Variants in NLRP9 observed in about 807,000 individuals in gnomAD.
NLRP9 encodes NLR family pyrin domain containing 9.
NLRP9 carries 88 observed loss-of-function variants against 83.1 expected under a neutral mutation model. That is an observed-to-expected ratio of 1.06 (90% CI 0.89 to 1.26). NLRP9 has a LOEUF of 1.26. Ranked by LOEUF, NLRP9 falls within the 50% of genes most tolerant of loss-of-function variation. The pLI, the probability that NLRP9 is intolerant of heterozygous loss-of-function variation, is 0.00. For missense variants in NLRP9, 1,308 were observed against 1,179.3 expected (o/e 1.11, Z -1.60); for synonymous variants, 521 against 447.6 (o/e 1.16, Z -2.07).
intron 8 of NLRP9, among the ~76,000 whole-genome samples, chr19:55,710,083 G>A (rs923638434): frequency 1.3e-5 from 2 of 152,166 alleles, no homozygotes; most frequent in Non-Finnish European, 2.9e-5. Flanking sequence ...CAGAGGTAGG[G>A]AAGATGGCTA....
At chr19:55,717,545 A>G (rs1362771325) in intron 4 of NLRP9, among the ~76,000 whole-genome samples, 6 of 152,224 alleles carry the variant, frequency 3.9e-5, no homozygotes, top group Non-Finnish European at 7.3e-5. Flanking sequence ...TTTAGTGAAC[A>G]GGACAGACCC....
chr19:55,729,552 A>G (rs1355221479), intron 3 of NLRP9, among the ~76,000 whole-genome samples: 1 of 152,042 alleles, frequency 6.6e-6, no homozygotes, highest in Non-Finnish European at 1.5e-5. Context: ...ATGTTCCTAC[A>G]AAGGACATGA....
intron 6 of NLRP9, among the ~76,000 whole-genome samples, chr19:55,714,275 A>G (rs755110486): frequency 2.6e-5 from 4 of 151,454 alleles, no homozygotes; most frequent in South Asian, 2.1e-4. Flanking sequence ...TCGATTCTTT[A>G]AGGAGGAGGC....
In NLRP9 at chr19:55,709,027, A is replaced by C. The variant is rs754577949; in HGVS notation, c.2861T>G (p.Phe954Cys). ...LQMLGLHKSG[F>C]DEETQKILMS... The stretch of plus-strand genomic sequence containing the variant: ...CAGGATCTTCTGAGTTTCTTCATCA[A>C]AGCCAGATTTGTGCAGCCTGGGAAA... The change falls in exon 9 of 9, where the codon TTT becomes TGT. Residue 954 changes from phenylalanine (F) to cysteine (C), a missense_variant. Phe to Cys is a radical substitution (Grantham distance 205). Transcript: ENST00000332836. 1.3e-6 allele frequency: 2 copies of C among 1,576,466 alleles called. No homozygotes were observed. The highest frequency in any genetic ancestry group is 1.4e-5 in the African/African-American group (1 of 72,306).
chr19:55,725,835 T>C (rs1988383840), intron 3 of NLRP9, among the ~76,000 whole-genome samples: 1 of 152,028 alleles, frequency 6.6e-6, no homozygotes, highest in Non-Finnish European at 1.5e-5. Context: ...AAGACCACCC[T>C]GGGCAACATG....
At chr19:55,710,605 T>A (rs540598308) in intron 8 of NLRP9, among the ~76,000 whole-genome samples, 1 of 152,254 alleles carries the variant, frequency 6.6e-6, no homozygotes, top group East Asian at 1.9e-4. Context: ...GAGATCTGGT[T>A]GTTTAAAAGT....
At chr19:55,723,387 G>C (rs1988291251) in intron 4 of NLRP9, among the ~76,000 whole-genome samples, 1 of 152,088 alleles carries the variant, frequency 6.6e-6, no homozygotes, top group South Asian at 2.1e-4. Context: ...GTTTTGGCCT[G>C]GTTGCCTGAG....
Position 55,732,048 on chromosome 19 carries a change from G to T in NLRP9, c.1783C>A (p.Arg595Ser), listed in dbSNP as rs143466064. 6.2e-7 allele frequency: 1 copy of T among 1,600,748 alleles called. No homozygotes were observed. Among genetic ancestry groups the T allele is most frequent in the Non-Finnish European group, 8.5e-7 (1 of 1,175,262 alleles). The change falls in exon 2 of 9, where the codon CGC becomes AGC. Residue 595 changes from arginine (R) to serine (S), a missense_variant. Physicochemically the swap from Arg to Ser is moderately radical, Grantham distance 110. Transcript: ENST00000332836. The part of the protein sequence containing the change: ...LKHCQHLTTL[R>S]MCVENIFPDD... ...GGAAAGATATTCTCCACACACATGC[G>T]AAGTGTCGTTAAATGTTGACAATGC... is the stretch of plus-strand genomic sequence containing the variant.
At chr19:55,719,037 C>G (rs150716915) in intron 4 of NLRP9, among the ~76,000 whole-genome samples, 1 of 152,306 alleles carries the variant, frequency 6.6e-6, no homozygotes, top group Middle Eastern at 3.4e-3. Context: ...AGATCCCACA[C>G]GGTAGGAGCT....
chr19:55,709,883 C>G (rs970932699), intron 8 of NLRP9: 3 of 152,132 alleles, frequency 2.0e-5, no homozygotes, highest in Non-Finnish European at 4.4e-5. Flanking sequence ...GAACATAGGC[C>G]TTCCTGAAAG....
At chr19:55,737,140 G>C (rs1988805400) in intron 1 of NLRP9, 1 of 151,806 alleles carries the variant, frequency 6.6e-6, no homozygotes, top group Admixed American at 6.6e-5. Context: ...AATGAGTCCA[G>C]CAGAACTGGT....
intron 1 of NLRP9, among the ~76,000 whole-genome samples, chr19:55,734,363 C>CAAAAAAAAAAAAA (rs59545375): frequency 2.6e-5 from 2 of 76,694 alleles, no homozygotes; most frequent in Non-Finnish European, 4.7e-5. Context: ...CACTCTATCT[C>CAAAAAAAAAAAAA]AAAAAAAAAA....
intron 4 of NLRP9, among the ~76,000 whole-genome samples, chr19:55,717,745 C>T (rs1474690746): frequency 1.3e-5 from 2 of 152,210 alleles, no homozygotes; most frequent in African/African-American, 4.8e-5. Flanking sequence ...TAACCCAATC[C>T]TGACACTTCC....
In NLRP9 at chr19:55,738,364, G is replaced by T. The variant is rs1988842670; in HGVS notation, c.11C>A (p.Ser4Tyr). The T allele has an allele frequency of 6.8e-6, 11 of 1,612,838 alleles. No individual in the cohort carries two copies. The highest frequency in any genetic ancestry group is 9.3e-6 in the Non-Finnish European group (11 of 1,179,684). The change falls in exon 1 of 9, where the codon TCT becomes TAT. Residue 4 changes from serine to tyrosine, a missense_variant. Coordinates refer to ENST00000332836, the MANE Select transcript of NLRP9 (RefSeq NM_176820.4). ...CAACAAGCCAAAATCCGAAAAAAAA[G>T]ATTCTGCCATATCGCCCCAGGATTG... MAE[S>Y]FFSDFGLLWY...
At chr19:55,734,391 AAAATTACT>A (rs1723233935) in intron 1 of NLRP9, among the ~76,000 whole-genome samples, 1 of 135,846 alleles carries the variant, frequency 7.4e-6, no homozygotes, top group Non-Finnish European at 1.6e-5. Context: ...AAAAAAAAAA[AAAATTACT>A]ATATCAATTG....
At position 55,716,738 on chromosome 19, in the gene NLRP9, C is replaced by T. The variant is rs138496520; in HGVS notation, c.2320G>A (p.Glu774Lys). Residue 774 changes from glutamate to lysine, a missense_variant, in exon 5 of 9, where the codon GAG becomes AAG. Physicochemically the swap from Glu to Lys is moderately conservative, Grantham distance 56. Transcript: ENST00000332836. ...EALKHSHCAL[E>K]RLMLMYCCLT... is the part of the protein sequence containing the mutation. ...CGCAGACCAACTTACATCAGCCTCT[C>T]CAGGGCACAGTGTGAGTGCTTCAGG... The T allele has an allele frequency of 3.3e-4, 540 of 1,613,758 alleles. 2 individuals carry two copies. In the East Asian group the frequency reaches 9.4e-3, roughly 28 times the overall value.
Position 55,732,094 on chromosome 19 carries a change from T to G in NLRP9, c.1737A>C (p.Val579=). 1 of 1,611,614 alleles carries G rather than the reference T, an allele frequency of 6.2e-7. No homozygotes were observed. The highest frequency in any genetic ancestry group is 8.5e-7 in the Non-Finnish European group (1 of 1,179,154). ...AATGCTTCAGGCAGAATGAAGCTAT[T>G]ACCAAATGTTCTATGTTACCAATAT... ...FIYIGNIEHL[V]IASFCLKHCQ... is the part of the protein sequence containing the mutation. The change falls in exon 2 of 9, where the codon GTA becomes GTC. Residue 579 remains valine, a synonymous_variant. Coordinates refer to ENST00000332836, the MANE Select transcript of NLRP9 (RefSeq NM_176820.4).
At position 55,732,837 on chromosome 19, in the gene NLRP9, T is replaced by A. The variant is rs147483967; in HGVS notation, c.994A>T (p.Ile332Phe). ...NFVRDNGPLF[I>F]LCHNPFTCWL... ...CACGTAAAGGGATTATGGCACAAGA[T>A]AAACAGCGGCCCATTATCTCTCACA... The change falls in exon 2 of 9, where the codon ATC (isoleucine) becomes TTC (phenylalanine). Residue 332 changes from isoleucine to phenylalanine, a missense_variant. Coordinates refer to ENST00000332836, the MANE Select transcript of NLRP9 (RefSeq NM_176820.4). 35 of 1,614,052 alleles carry A rather than the reference T, an allele frequency of 2.2e-5. No homozygotes were observed. The highest frequency in any genetic ancestry group is 9.3e-5 in the African/African-American group (7 of 74,926).
At chr19:55,724,750 G>T (rs576860326) in intron 3 of NLRP9, among the ~76,000 whole-genome samples, 7 of 152,234 alleles carry the variant, frequency 4.6e-5, no homozygotes, top group Middle Eastern at 3.4e-3. Context: ...CTTCATGAAA[G>T]ATATGGTCAT....
Sources: allele counts gnomAD v4.1 joint callset (sites outside exome capture counted in the v4.1 genomes callset), GRCh38; gene constraint gnomAD v4.1.1; transcripts MANE v1.5; gene names NCBI Gene and HGNC (gene_info 2026-07-23, HGNC 2026-07-21).